The following CACNA1C variants were observed in gnomAD, a reference collection of about 807,000 sequenced individuals.
CACNA1C encodes calcium voltage-gated channel subunit alpha1 C.
A neutral mutation model predicts 229.0 loss-of-function variants in CACNA1C; 30 were observed. The observed-to-expected ratio is 0.13, with a 90% CI of 0.10 to 0.18. The LOEUF (loss-of-function observed/expected upper bound fraction) is 0.18. Among genes scored for constraint, CACNA1C ranks in the 10% least tolerant of loss-of-function variants. The pLI, the probability that CACNA1C is intolerant of heterozygous loss-of-function variation, is 1.00. For missense variants in CACNA1C, 1,658 were observed against 2,845.0 expected (o/e 0.58, Z 9.49); for synonymous variants, 1,114 against 1,132.5 (o/e 0.98, Z 0.33).
At chr12:2,312,155 C>G (rs1488133603) in intron 3 of CACNA1C, among the ~76,000 whole-genome samples, 1 of 152,122 alleles carries the variant, frequency 6.6e-6, no homozygotes, top group African/African-American at 2.4e-5. Context: ...TCCTTCACAC[C>G]CGCTCCGAGT....
chr12:2,203,724 A>G (rs1010429321), intron 3 of CACNA1C, among the ~76,000 whole-genome samples: 21 of 152,132 alleles, frequency 1.4e-4, no homozygotes, highest in Non-Finnish European at 1.3e-4. Flanking sequence ...CAAGAAGCAC[A>G]TTGTATCTCC....
chr12:2,587,936 C>T (rs1317092321), intron 18 of CACNA1C, among the ~76,000 whole-genome samples: 1 of 152,190 alleles, frequency 6.6e-6, no homozygotes, highest in East Asian at 1.9e-4. Context: ...TGCACTATCC[C>T]TGGTTTCCAG....
Position 2,677,111 on chromosome 12 carries a change from G to C in CACNA1C, c.4846G>C (p.Gly1616Arg). 6.2e-7 allele frequency: 1 copy of C among 1,613,162 alleles called. No homozygotes were observed. The highest frequency in any genetic ancestry group is 8.5e-7 in the Non-Finnish European group (1 of 1,179,610). ...CGTCTCAGATGATGAGGTCACCGTT[G>C]GCAAGTTCTACGCCACGTTCCTGAT... ...PPAGDDEVTV[G>R]KFYATFLIQE... is the part of the protein sequence containing the mutation. The change falls in exon 40 of 47, where the codon GGC (glycine) becomes CGC (arginine). Residue 1616 changes from glycine to arginine, a missense_variant. Physicochemically the swap from Gly to Arg is moderately radical, Grantham distance 125 (BLOSUM62 -2). Transcript: ENST00000399655. This position sits in a 1 kb window ranked among gnomAD's most constrained non-coding sequence, Gnocchi z 7.4.
intron 3 of CACNA1C, chr12:2,217,981 C>T (rs1456552363): frequency 6.6e-6 from 1 of 152,180 alleles, no homozygotes; most frequent in East Asian, 1.9e-4. Flanking sequence ...TATTCAGTCT[C>T]CACTTCTACC....
At position 2,120,382 on chromosome 12, in the gene CACNA1C, C is replaced by A. The variant is rs1315035161; in HGVS notation, c.429C>A (p.Ile143=). ...TIFANCVALA[I]YIPFPEDDSN... ...TTGCCAATTGTGTGGCCTTAGCGAT[C>A]TATATTCCCTTTCCAGAAGATGATT... The change falls in exon 3 of 47, where the codon ATC becomes ATA. Residue 143 remains isoleucine (I), a synonymous_variant. Transcript: ENST00000399655. The A allele has an allele frequency of 6.2e-7, 1 of 1,611,630 alleles. No homozygotes were observed. Among genetic ancestry groups the A allele is most frequent in the South Asian group, 1.1e-5 (1 of 91,044 alleles).
intron 13 of CACNA1C, among the ~76,000 whole-genome samples, chr12:2,578,864 T>C (rs181675605): frequency 6.6e-6 from 1 of 152,118 alleles, no homozygotes; most frequent in Non-Finnish European, 1.5e-5. Context: ...TCTGTGTCCC[T>C]GCCCACGTCC....
At chr12:2,491,810 C>T (rs1335203870) in intron 6 of CACNA1C, among the ~76,000 whole-genome samples, 4 of 152,200 alleles carry the variant, frequency 2.6e-5, no homozygotes, top group Non-Finnish European at 1.5e-5. Context: ...AGATTTAAAG[C>T]CACCGACTGA....
chr12:2,085,950 T>A (rs1490337827), intron 1 of CACNA1C, among the ~76,000 whole-genome samples: 1 of 152,206 alleles, frequency 6.6e-6, no homozygotes. Flanking sequence ...TCCCTGTACC[T>A]GGGATGCCTT....
intron 3 of CACNA1C, among the ~76,000 whole-genome samples, chr12:2,420,274 G>A (rs549932737): frequency 9.2e-5 from 14 of 152,200 alleles, no homozygotes; most frequent in African/African-American, 2.6e-4. Flanking sequence ...TGGAAGTTGC[G>A]TTCCAGCCAG....
At chr12:2,426,781 TATGGCTGGG>T (rs996998431) in intron 3 of CACNA1C, among the ~76,000 whole-genome samples, 1 of 152,228 alleles carries the variant, frequency 6.6e-6, no homozygotes, top group African/African-American at 2.4e-5. Context: ...CATTGGCTGA[TATGGCTGGG>T]ATGGCTGGGA....
At chr12:2,231,718 G>A (rs1052733410) in intron 3 of CACNA1C, among the ~76,000 whole-genome samples, 2 of 152,130 alleles carry the variant, frequency 1.3e-5, no homozygotes, top group African/African-American at 4.8e-5. Flanking sequence ...TTGTTCGCTA[G>A]GCATGAACAA....
At chr12:2,417,766 T>C (rs895385699) in intron 3 of CACNA1C, among the ~76,000 whole-genome samples, 6 of 152,112 alleles carry the variant, frequency 3.9e-5, no homozygotes, top group African/African-American at 1.2e-4. Flanking sequence ...CTGACAGTTT[T>C]GGAAACCAGA....
intron 3 of CACNA1C, among the ~76,000 whole-genome samples, chr12:2,342,042 T>A (rs547011155): frequency 1.4e-4 from 22 of 152,336 alleles, no homozygotes; most frequent in Non-Finnish European, 2.9e-4. Context: ...CAGGGCCCAG[T>A]CATTTGTTAG....
chr12:2,477,130 T>A (rs1410763212), intron 5 of CACNA1C, among the ~76,000 whole-genome samples: 2 of 152,190 alleles, frequency 1.3e-5, no homozygotes, highest in Non-Finnish European at 2.9e-5. Context: ...GAAAACATGA[T>A]CTGTGAGATT....
Position 2,585,461 on chromosome 12 carries a change from A to T in CACNA1C, c.2425A>T (p.Ile809Phe), listed in dbSNP as rs1404975281. The T allele has an allele frequency of 6.3e-7, 1 of 1,583,688 alleles. No individual in the cohort carries two copies. Among genetic ancestry groups the T allele is most frequent in the Non-Finnish European group, 8.6e-7 (1 of 1,164,196 alleles). Residue 809 changes from isoleucine to phenylalanine, a missense_variant, in exon 17 of 47, where the codon ATC becomes TTC. Physicochemically the swap from Ile to Phe is conservative, Grantham distance 21 (BLOSUM62 0). Coordinates refer to ENST00000399655, the MANE Select transcript of CACNA1C (RefSeq NM_000719.7). The surrounding 1 kb of genome is among the most constrained non-coding windows in gnomAD (Gnocchi z 4.1). ...SKEEKIELKS[I>F]TADGESPPAT... ...GGAGGAGAAGATTGAGCTGAAATCC[A>T]TCACGGCTGACGGAGAGTCTCCACC...
At position 2,437,825 on chromosome 12, in the gene CACNA1C, ATGG is replaced by A. The variant is rs541605905; in HGVS notation, c.478-11143_478-11141del. 4.9e-4 allele frequency among the ~76,000 whole-genome samples: 58 copies of A among 117,178 alleles called. 1 individual carries two copies. In the East Asian group the frequency reaches 0.016, roughly 32 times the overall value. 76.9% of individuals were successfully genotyped at this position (117,178 alleles called of 152,430 possible). A position where few individuals can be genotyped will look rare whatever the true frequency, so the allele number is the denominator to read the frequency against. On this transcript the variant is annotated intron_variant, in intron 3 of 46. Coordinates refer to ENST00000399655, the MANE Select transcript of CACNA1C (RefSeq NM_000719.7). ...GATGGTGATGATGGTGGTGGTGGTA[ATGG>A]TGGTGGTAATGATGGTGGTGATGAT...
At chr12:2,056,209 G>A (rs1271006085) in intron 1 of CACNA1C, among the ~76,000 whole-genome samples, 3 of 53,056 alleles carry the variant, frequency 5.7e-5, no homozygotes, top group African/African-American at 4.2e-4. Flanking sequence ...GTGTGTGTGT[G>A]TGTGTGTGTG....
intron 26 of CACNA1C, chr12:2,607,774 C>T (rs748710303): frequency 6.6e-6 from 1 of 152,230 alleles, no homozygotes; most frequent in African/African-American, 2.4e-5. Flanking sequence ...ATATGTATTC[C>T]AGTGAAATTA....
At chr12:2,120,505 A>G (rs2086092104) in intron 3 of CACNA1C, 75 bp downstream of exon 3, 2 of 870,622 alleles carry the variant, frequency 2.3e-6, no homozygotes, top group African/African-American at 1.7e-5. Context: ...GATGCATGGA[A>G]TGTGGGAGAG....
Sources: allele counts gnomAD v4.1 joint callset (sites outside exome capture counted in the v4.1 genomes callset), GRCh38; gene constraint gnomAD v4.1.1; non-coding constraint Gnocchi (gnomAD v3.1); transcripts MANE v1.5; gene names NCBI Gene and HGNC (gene_info 2026-07-23, HGNC 2026-07-21).